The following DCC variants were observed in gnomAD, a reference collection of about 807,000 sequenced individuals.
DCC encodes the protein DCC netrin 1 receptor.
A neutral mutation model predicts 172.5 loss-of-function variants in DCC; 58 were observed. That is an observed-to-expected ratio of 0.34 (90% CI 0.27 to 0.42). The LOEUF (loss-of-function observed/expected upper bound fraction) is 0.42, where lower values mean the gene tolerates loss of function less well. DCC is among the 10% of genes least tolerant of loss of function. DCC has a pLI of 1.00. For synonymous variants in DCC, 709 were observed against 644.5 expected, an observed-to-expected ratio of 1.10 and a Z score of -1.52; for missense variants, 1,740 against 1,791.0, an observed-to-expected ratio of 0.97 and a Z score of 0.51.
At chr18:53,208,761 G>T (rs969173502) in intron 11 of DCC, among the ~76,000 whole-genome samples, 2 of 151,914 alleles carry the variant, frequency 1.3e-5, no homozygotes, top group Non-Finnish European at 2.9e-5. Context: ...ACGGAGTCTC[G>T]CTCTGTCACC....
In DCC at chr18:52,556,783, C is replaced by T. The variant is rs139311226; in HGVS notation, c.92-195271C>T. On this transcript the variant is annotated intron_variant, in intron 1 of 28. Transcript: ENST00000442544. ...CCCATAAAGGGAGTTTCCCCAGTGT[C>T]AATTGGTGCCGCCGTCTCACCTTTG... Among the ~76,000 whole-genome samples, 438 of 152,136 alleles carry T rather than the reference C, an allele frequency of 2.9e-3. 3 individuals carry two copies. Among genetic ancestry groups the T allele is most frequent in the African/African-American group, 0.01 (418 of 41,504 alleles).
intron 15 of DCC, among the ~76,000 whole-genome samples, chr18:53,365,455 A>G (rs12150771): frequency 0.2 from 30,588 of 151,106 alleles, 3,351 homozygotes; most frequent in Middle Eastern, 0.33. Context: ...TGAAAAAAAA[A>G]AAAAAGAAAA....
At chr18:52,779,171 A>G (rs1225068842) in intron 2 of DCC, among the ~76,000 whole-genome samples, 1 of 149,358 alleles carries the variant, frequency 6.7e-6, no homozygotes, top group Non-Finnish European at 1.5e-5. Flanking sequence ...CTTTTTTTTT[A>G]TACTTTAAGT....
intron 5 of DCC, among the ~76,000 whole-genome samples, chr18:52,951,464 T>C (rs1242163656): frequency 6.6e-6 from 1 of 152,078 alleles, no homozygotes; most frequent in Non-Finnish European, 1.5e-5. Context: ...TCCCGGTGTG[T>C]GATATTCTCC....
At chr18:53,511,392 A>T (rs1289543382) in intron 27 of DCC, among the ~76,000 whole-genome samples, 2 of 152,260 alleles carry the variant, frequency 1.3e-5, no homozygotes, top group African/African-American at 4.8e-5. Flanking sequence ...TTCTGGAGTC[A>T]GGCCTTGCCT....
chr18:52,652,901 A>G (rs2035170861), intron 1 of DCC, among the ~76,000 whole-genome samples: 1 of 152,032 alleles, frequency 6.6e-6, no homozygotes, highest in Admixed American at 6.6e-5. Context: ...GCTTTCCCCC[A>G]CCAGGAGCTT....
intron 1 of DCC, among the ~76,000 whole-genome samples, chr18:52,473,111 G>A (rs1988993217): frequency 6.6e-6 from 1 of 152,098 alleles, no homozygotes; most frequent in Admixed American, 6.5e-5. Context: ...TCCACTCAAT[G>A]TTTTCATTAT....
At chr18:53,365,206 G>C (rs2057991361) in intron 15 of DCC, among the ~76,000 whole-genome samples, 1 of 151,704 alleles carries the variant, frequency 6.6e-6, no homozygotes, top group Non-Finnish European at 1.5e-5. Flanking sequence ...ATAGTTTACT[G>C]AGAATGATGG....
intron 7 of DCC, among the ~76,000 whole-genome samples, chr18:53,137,400 T>C (rs913904518): frequency 3.9e-5 from 6 of 152,210 alleles, no homozygotes; most frequent in Admixed American, 3.9e-4. Flanking sequence ...TTGAGGCCAC[T>C]CAGCGTTCCT....
chr18:53,391,317 G>A lies in DCC; in HGVS notation c.2456-338G>A, dbSNP rs1041789856. ...AAATTATATAGTAATAAAACTGATC[G>A]ATCCTGTAACTAGATCTTTTAAGAA... On this transcript the variant is annotated intron_variant, in intron 16 of 28. Transcript: ENST00000442544. 4.6e-5 allele frequency among the ~76,000 whole-genome samples: 7 copies of A among 151,990 alleles called. No individual in the cohort carries two copies. The South Asian group carries it at 8.3e-4, about 18-fold the overall frequency.
chr18:53,111,456 A>AAG (rs946040073), intron 7 of DCC, among the ~76,000 whole-genome samples: 1 of 148,322 alleles, frequency 6.7e-6, no homozygotes, highest in African/African-American at 2.6e-5. Flanking sequence ...AAAAAAAAAA[A>AAG]AGAGAGACCA....
rs6508185 is a variant in DCC at position 53,021,160 on chromosome 18, G to T, written c.986-42145G>T. ...AAAGGTCGGCTTCCTCACACACACG[G>T]CAGGGTATGGCGAAGACAGAGGTTG... On this transcript the variant is annotated intron_variant, in intron 5 of 28. Coordinates refer to ENST00000442544, the MANE Select transcript of DCC (RefSeq NM_005215.4). Among the ~76,000 whole-genome samples, 4 of 152,248 alleles carry T rather than the reference G, an allele frequency of 2.6e-5. No individual in the cohort carries two copies. The East Asian group carries it at 7.7e-4, about 29-fold the overall frequency.
At chr18:52,800,738 C>T (rs1321523550) in intron 2 of DCC, among the ~76,000 whole-genome samples, 4 of 152,210 alleles carry the variant, frequency 2.6e-5, no homozygotes, top group Non-Finnish European at 5.9e-5. Context: ...TCCTGAGAGG[C>T]TGCAGAGTAT....
At chr18:52,845,251 C>T (rs1207254253) in intron 2 of DCC, among the ~76,000 whole-genome samples, 3 of 152,206 alleles carry the variant, frequency 2.0e-5, no homozygotes, top group Non-Finnish European at 1.5e-5. Flanking sequence ...CTGAGCTGCC[C>T]AATCAGCTTA....
intron 2 of DCC, among the ~76,000 whole-genome samples, chr18:52,879,583 C>A (rs2039454174): frequency 6.6e-6 from 1 of 151,824 alleles, no homozygotes; most frequent in Admixed American, 6.6e-5. Context: ...AAGCATGTGC[C>A]ATTATGCCCA....
At chr18:53,390,283 G>T (rs34067378) in intron 16 of DCC, among the ~76,000 whole-genome samples, 38 of 149,746 alleles carry the variant, frequency 2.5e-4, no homozygotes, top group Non-Finnish European at 3.6e-4. Context: ...TTTTGTTTTT[G>T]TTTTCAGTTT....
At chr18:52,822,422 C>T (rs2038423197) in intron 2 of DCC, among the ~76,000 whole-genome samples, 3 of 152,210 alleles carry the variant, frequency 2.0e-5, no homozygotes, top group African/African-American at 4.8e-5. Context: ...GCCAAGAAGT[C>T]TATTTATAGC....
intron 26 of DCC, among the ~76,000 whole-genome samples, chr18:53,488,167 T>G (rs1388018848): frequency 6.6e-6 from 1 of 152,324 alleles, no homozygotes; most frequent in South Asian, 2.1e-4. Context: ...GGCAGATCAC[T>G]TGAGGTCAGG....
intron 22 of DCC, among the ~76,000 whole-genome samples, chr18:53,436,458 A>T (rs1214756315): frequency 1.3e-5 from 2 of 152,332 alleles, no homozygotes; most frequent in East Asian, 3.9e-4. Context: ...ATCTAAAAAT[A>T]GTTTGCTGCA....
Sources: gnomAD v4.1 joint callset for allele counts (sites outside exome capture counted in the v4.1 genomes callset) on GRCh38, gnomAD v4.1.1 for gene constraint, MANE v1.5 for transcripts, NCBI Gene and HGNC (gene_info 2026-07-23, HGNC 2026-07-21) for gene names.